The following XPNPEP3 variants were observed in gnomAD, a reference collection of about 807,000 sequenced individuals.
XPNPEP3 encodes the protein xaa-Pro aminopeptidase 3.
Under a neutral mutation model 60.0 loss-of-function variants are expected in XPNPEP3, and 41 were observed. The observed-to-expected ratio is 0.68, with a 90% CI of 0.53 to 0.89. The LOEUF is 0.89. Among genes scored for constraint, XPNPEP3 ranks in the 40% least tolerant of loss-of-function variants. The probability of loss-of-function intolerance (pLI) is 0.00; values close to 1 mark genes in which losing one functional copy is unlikely to be tolerated. For missense variants in XPNPEP3, 598 were observed against 638.9 expected, an observed-to-expected ratio of 0.94 and a Z score of 0.69; for synonymous variants, 212 against 223.2, an observed-to-expected ratio of 0.95 and a Z score of 0.45.
chr22:40,895,268 T>A (rs1340408047), intron 4 of XPNPEP3, among the ~76,000 whole-genome samples: 1 of 152,224 alleles, frequency 6.6e-6, no homozygotes, highest in Non-Finnish European at 1.5e-5. Flanking sequence ...ATGACAGAAC[T>A]TCTTTGGACA....
At chr22:40,924,631 T>C (rs2058228523) in intron 9 of XPNPEP3, 149 bp downstream of exon 9, 1 of 1,192,804 alleles carries the variant, frequency 8.4e-7, no homozygotes, top group East Asian at 2.6e-5. Context: ...TCAGCAATTC[T>C]CCTGCCTCAA....
chr22:40,908,278 G>T (rs2058163985), intron 5 of XPNPEP3, among the ~76,000 whole-genome samples: 1 of 151,568 alleles, frequency 6.6e-6, no homozygotes, highest in Admixed American at 6.6e-5. Flanking sequence ...CCATTACTTT[G>T]GAAGGCTGAG....
chr22:40,914,900 G>A (rs1261367169), intron 7 of XPNPEP3, among the ~76,000 whole-genome samples: 4 of 152,010 alleles, frequency 2.6e-5, no homozygotes, highest in Non-Finnish European at 5.9e-5. Context: ...GCTCATGAGT[G>A]TGATGATTGG....
At chr22:40,894,412 CAT>C (rs746974521) in intron 4 of XPNPEP3, among the ~76,000 whole-genome samples, 1 of 152,096 alleles carries the variant, frequency 6.6e-6, no homozygotes, top group Non-Finnish European at 1.5e-5. Flanking sequence ...AAGTGTACAA[CAT>C]ATTTTGATAT....
chr22:40,861,433 T>C (rs766295553), intron 1 of XPNPEP3: 11 of 1,613,832 alleles, frequency 6.8e-6, no homozygotes, highest in Non-Finnish European at 9.3e-6. Flanking sequence ...TCTGAAGTTG[T>C]AACAGATATG....
chr22:40,883,333 G>T (rs1310028946), intron 3 of XPNPEP3, among the ~76,000 whole-genome samples: 1 of 152,084 alleles, frequency 6.6e-6, no homozygotes, highest in African/African-American at 2.4e-5. Context: ...CAGATCTTTT[G>T]TGGTTCATAT....
intron 1 of XPNPEP3, among the ~76,000 whole-genome samples, chr22:40,866,409 GTC>G (rs1601489474): frequency 6.6e-6 from 1 of 152,114 alleles, no homozygotes; most frequent in African/African-American, 2.4e-5. Flanking sequence ...AGTAAGAGAA[GTC>G]TCTTGCGTAA....
At chr22:40,860,539 G>T (rs2057936544) in intron 1 of XPNPEP3, 1 of 784,256 alleles carries the variant, frequency 1.3e-6, no homozygotes, top group East Asian at 3.1e-5. Context: ...GTCTTCTAAT[G>T]CTATGCATGT....
intron 5 of XPNPEP3, 52 bp from the exon 6 acceptor site, chr22:40,909,070 T>G (rs373298260): frequency 1.3e-6 from 2 of 1,507,856 alleles, no homozygotes; most frequent in Non-Finnish European, 1.8e-6. Flanking sequence ...GAGCTTGGGC[T>G]GGGGCAGCCC....
At chr22:40,866,174 T>G (rs2057977794) in intron 1 of XPNPEP3, among the ~76,000 whole-genome samples, 1 of 152,130 alleles carries the variant, frequency 6.6e-6, no homozygotes, top group African/African-American at 2.4e-5. Flanking sequence ...TATGTCCAAT[T>G]AGAAGCCAGA....
chr22:40,890,162 A>G (rs142659232), intron 4 of XPNPEP3, among the ~76,000 whole-genome samples: 114 of 152,326 alleles, frequency 7.5e-4, no homozygotes, highest in Middle Eastern at 6.8e-3. Context: ...CTCCTAAAAT[A>G]TTAATTTTAC....
At chr22:40,885,995 G>A (rs1266143305) in intron 3 of XPNPEP3, among the ~76,000 whole-genome samples, 2 of 152,082 alleles carry the variant, frequency 1.3e-5, no homozygotes, top group Admixed American at 6.6e-5. Context: ...AATAAAGAGA[G>A]AGAGAAAGAG....
chr22:40,918,782 G>GT (rs138275732), intron 7 of XPNPEP3, among the ~76,000 whole-genome samples: 2,317 of 124,108 alleles, frequency 0.019, 31 homozygotes, highest in Non-Finnish European at 0.031. Flanking sequence ...AGTTTTGGTG[G>GT]GTTTTTTTTT....
chr22:40,862,639 G>A (rs2057957164), intron 1 of XPNPEP3: 2 of 985,348 alleles, frequency 2.0e-6, no homozygotes, highest in African/African-American at 3.5e-5. Context: ...AAAGCCTCTT[G>A]GAGGAAGTAG....
rs1486085948 is a variant in XPNPEP3 at position 40,926,497 on chromosome 22, G to T, written c.*62G>T. 1 of 1,582,858 alleles carries T rather than the reference G, an allele frequency of 6.3e-7. No homozygotes were observed. The highest frequency in any genetic ancestry group is 1.3e-5 in the African/African-American group (1 of 74,232). On this transcript the variant is annotated 3_prime_UTR_variant, in exon 10 of 10. Coordinates refer to ENST00000357137, the MANE Select transcript of XPNPEP3 (RefSeq NM_022098.4). ...TGGGTGTCTTCTGGCAGCCCTGCAC[G>T]TGTGCTTTCTGAGTGTCTCTGTGTG...
chr22:40,879,645 C>A (rs868316706), intron 2 of XPNPEP3, among the ~76,000 whole-genome samples: 1 of 151,952 alleles, frequency 6.6e-6, no homozygotes, highest in Non-Finnish European at 1.5e-5. Context: ...AGTTCGAAAC[C>A]AGCCTGGACA....
chr22:40,870,560 T>G (rs564519237), intron 2 of XPNPEP3, among the ~76,000 whole-genome samples: 1 of 152,180 alleles, frequency 6.6e-6, no homozygotes, highest in South Asian at 2.1e-4. Flanking sequence ...AAAACAGAAT[T>G]ATTAGTATTT....
At chr22:40,914,572 C>T (rs12166655) in intron 7 of XPNPEP3, among the ~76,000 whole-genome samples, 4,403 of 95,732 alleles carry the variant, frequency 0.046, 289 homozygotes, top group African/African-American at 0.17. Context: ...TGGTAAGAGA[C>T]GGGGTCTCGC....
intron 4 of XPNPEP3, among the ~76,000 whole-genome samples, chr22:40,902,191 TGCCTCA>T (rs1269899984): frequency 6.7e-6 from 1 of 148,174 alleles, no homozygotes; most frequent in Non-Finnish European, 1.5e-5. Flanking sequence ...TCCTGCCTCC[TGCCTCA>T]GCCTCCCAAG....
Sources: gnomAD v4.1 joint callset for allele counts (sites outside exome capture counted in the v4.1 genomes callset) on GRCh38, gnomAD v4.1.1 for gene constraint, MANE v1.5 for transcripts, NCBI Gene and HGNC (gene_info 2026-07-23, HGNC 2026-07-21) for gene names.